LMBRD1: variants seen among roughly 807,000 people sequenced by gnomAD.
The protein encoded by LMBRD1 is lysosomal cobalamin transport escort protein LMBD1.
In LMBRD1, 64 loss-of-function variants were observed where a neutral mutation model predicts 74.8. That is an observed-to-expected ratio of 0.86 (90% confidence interval 0.70 to 1.05). The LOEUF is 1.05. LMBRD1 is among the 50% of genes least tolerant of loss of function. The pLI, the probability that LMBRD1 is intolerant of heterozygous loss-of-function variation, is 0.00. For synonymous variants in LMBRD1, 204 were observed against 216.3 expected, an observed-to-expected ratio of 0.94 and a Z score of 0.50; for missense variants, 652 against 645.9, an observed-to-expected ratio of 1.01 and a Z score of -0.10.
At chr6:69,688,843 TA>T (rs1420972847) in intron 14 of LMBRD1, among the ~76,000 whole-genome samples, 3 of 152,098 alleles carry the variant, frequency 2.0e-5, no homozygotes, top group Non-Finnish European at 4.4e-5. Flanking sequence ...GTAATATATA[TA>T]CTCTTTCACC....
At chr6:69,786,420 A>G (rs1765948266) in intron 2 of LMBRD1, among the ~76,000 whole-genome samples, 2 of 152,128 alleles carry the variant, frequency 1.3e-5, no homozygotes, top group Non-Finnish European at 1.5e-5. Context: ...CCTTAATATT[A>G]ACTAATTTTT....
In LMBRD1 at chr6:69,676,124, G is replaced by T. The variant is rs1250808513; in HGVS notation, c.*34C>A. On this transcript the variant is annotated 3_prime_UTR_variant, in exon 16 of 16. Coordinates refer to ENST00000649934, the MANE Select transcript of LMBRD1 (RefSeq NM_018368.4). The stretch of plus-strand genomic sequence containing the variant: ...TTTAAAAATGCATAACAGATATTCA[G>T]TCAGCATTATAAAACCTTTAAGACA... 1.3e-6 allele frequency: 2 copies of T among 1,504,578 alleles called. No homozygotes were observed. Among genetic ancestry groups the T allele is most frequent in the Non-Finnish European group, 1.9e-6 (2 of 1,081,016 alleles). 93.2% of individuals were successfully genotyped at this position (1,504,578 alleles called of 1,614,324 possible).
chr6:69,777,849 A>C (rs1344846793), intron 3 of LMBRD1, among the ~76,000 whole-genome samples: 1 of 152,244 alleles, frequency 6.6e-6, no homozygotes, highest in Non-Finnish European at 1.5e-5. Context: ...ATGGATAAAA[A>C]CTGTGTTTTC....
rs145927071 is a variant in LMBRD1 at position 69,736,663 on chromosome 6, C to T, written c.636+1279G>A. Reference sequence around the variant, plus strand: ...CCTCATTTCTCTAAAGGTTTCAAAGCACTTTTACAAATAGTATCATTTGAC... The same window carrying T: ...CCTCATTTCTCTAAAGGTTTCAAAGTACTTTTACAAATAGTATCATTTGAC... On this transcript the variant is annotated intron_variant, in intron 7 of 15. Transcript: ENST00000649934. Among the ~76,000 whole-genome samples the T allele has an allele frequency of 6.4e-4, 97 of 152,264 alleles. 1 individual carries two copies. In the East Asian group the frequency reaches 0.016, roughly 26 times the overall value.
intron 9 of LMBRD1, among the ~76,000 whole-genome samples, chr6:69,707,129 C>G (rs1398066397): frequency 2.6e-5 from 4 of 152,084 alleles, no homozygotes; most frequent in Non-Finnish European, 4.4e-5. Context: ...AACATCTCTC[C>G]GTTTCTTAAG....
At chr6:69,742,648 T>C (rs1184166367) in intron 5 of LMBRD1, among the ~76,000 whole-genome samples, 1 of 152,164 alleles carries the variant, frequency 6.6e-6, no homozygotes, top group Non-Finnish European at 1.5e-5. Flanking sequence ...GTAACTCTAA[T>C]ACCACGTCCT....
chr6:69,692,484 T>C (rs1765908748), intron 14 of LMBRD1, among the ~76,000 whole-genome samples: 1 of 152,206 alleles, frequency 6.6e-6, no homozygotes, highest in South Asian at 2.1e-4. Flanking sequence ...AATGAATTTT[T>C]ATAAATGATC....
chr6:69,723,642 T>C (rs976667841), intron 7 of LMBRD1, among the ~76,000 whole-genome samples: 5 of 151,868 alleles, frequency 3.3e-5, no homozygotes, highest in African/African-American at 9.6e-5. Flanking sequence ...AAATACAACA[T>C]ACCAAAACCT....
chr6:69,732,640 T>C (rs1275886823), intron 7 of LMBRD1, among the ~76,000 whole-genome samples: 1 of 152,204 alleles, frequency 6.6e-6, no homozygotes, highest in Non-Finnish European at 1.5e-5. Context: ...TTAGTTTATA[T>C]TTTACATTAA....
At chr6:69,705,537 T>C in intron 9 of LMBRD1, 2 of 1,291,632 alleles carry the variant, frequency 1.5e-6, no homozygotes, top group South Asian at 1.2e-5. Flanking sequence ...TTTTGAGTCT[T>C]TTCCATTCTG....
chr6:69,717,112 T>C (rs917378495), intron 8 of LMBRD1, among the ~76,000 whole-genome samples: 2 of 152,044 alleles, frequency 1.3e-5, no homozygotes, highest in African/African-American at 4.8e-5. Flanking sequence ...TTTTACAGTT[T>C]GTGGCTATTG....
chr6:69,720,857 C>T (rs1314705398), intron 7 of LMBRD1, among the ~76,000 whole-genome samples: 6 of 152,160 alleles, frequency 3.9e-5, no homozygotes, highest in Admixed American at 1.3e-4. Flanking sequence ...TCTTGAATCA[C>T]CAATGCCACC....
At chr6:69,691,171 A>G (rs1246350424) in intron 14 of LMBRD1, among the ~76,000 whole-genome samples, 1 of 148,910 alleles carries the variant, frequency 6.7e-6, no homozygotes, top group East Asian at 1.9e-4. Context: ...AACAATTTAA[A>G]GGACAGATGA....
At chr6:69,708,960 C>T (rs890980979) in intron 9 of LMBRD1, among the ~76,000 whole-genome samples, 1 of 151,716 alleles carries the variant, frequency 6.6e-6, no homozygotes, top group Non-Finnish European at 1.5e-5. Context: ...ATGAGCTGGG[C>T]GTAGTGGCTC....
Position 69,749,357 on chromosome 6 carries a change from G to C in LMBRD1, c.457C>G (p.Leu153Val). 1 of 1,608,500 alleles carries C rather than the reference G, an allele frequency of 6.2e-7. No homozygotes were observed. The highest frequency in any genetic ancestry group is 8.5e-7 in the Non-Finnish European group (1 of 1,177,968). ...YTLGFVVICA[L>V]LLLVGAFVPL... ...AAGACTTACCCAACTAAAAGAAGCAGTGCACAAATCACAACAAATCCCAAA... is the reference window on the plus strand; with the variant it reads ...AAGACTTACCCAACTAAAAGAAGCACTGCACAAATCACAACAAATCCCAAA... The change falls in exon 5 of 16, where the codon CTG becomes GTG. Residue 153 changes from leucine to valine, a missense_variant. This residue lies in a region of LMBRD1 where 598 missense variants were observed against 581.8 expected (regional missense o/e 1.03). Transcript: ENST00000649934.
chr6:69,769,482 T>C (rs1425092638), intron 3 of LMBRD1, among the ~76,000 whole-genome samples: 3 of 152,194 alleles, frequency 2.0e-5, no homozygotes, highest in East Asian at 3.8e-4. Flanking sequence ...AAATCTAACA[T>C]CTAGAAATAC....
At chr6:69,736,767 C>G (rs1039558405) in intron 7 of LMBRD1, among the ~76,000 whole-genome samples, 6 of 152,020 alleles carry the variant, frequency 3.9e-5, no homozygotes, top group African/African-American at 1.4e-4. Flanking sequence ...AAGGACAAAC[C>G]CAAGATTAGC....
intron 14 of LMBRD1, among the ~76,000 whole-genome samples, chr6:69,686,714 C>T (rs894550020): frequency 1.1e-4 from 16 of 152,168 alleles, no homozygotes; most frequent in African/African-American, 3.4e-4. Flanking sequence ...GCCACTACCA[C>T]CATAAGCTCT....
At chr6:69,789,462 G>A (rs1347878142) in intron 2 of LMBRD1, among the ~76,000 whole-genome samples, 1 of 151,864 alleles carries the variant, frequency 6.6e-6, no homozygotes, top group Non-Finnish European at 1.5e-5. Flanking sequence ...AGGAGGCGGA[G>A]GTTACAGTGA....
Sources: gnomAD v4.1 joint callset for allele counts (sites outside exome capture counted in the v4.1 genomes callset) on GRCh38, gnomAD v4.1.1 for gene constraint, gnomAD v4.1.1 regional missense constraint, MANE v1.5 for transcripts, NCBI Gene and HGNC (gene_info 2026-07-23, HGNC 2026-07-21) for gene names.